The following EBF4 variants were observed in gnomAD, a reference collection of about 807,000 sequenced individuals.
The protein encoded by EBF4 is transcription factor COE4.
A neutral mutation model predicts 67.1 loss-of-function variants in EBF4; 34 were observed. The observed-to-expected ratio is 0.51, with a 90% CI of 0.39 to 0.67. The LOEUF is 0.67. Among genes scored for constraint, EBF4 ranks in the 30% least tolerant of loss-of-function variants. EBF4 has a pLI of 0.00. For synonymous variants in EBF4, 387 were observed against 377.7 expected (o/e 1.02, Z -0.29); for missense variants, 837 against 873.3 (o/e 0.96, Z 0.52).
intron 6 of EBF4, among the ~76,000 whole-genome samples, chr20:2,722,540 A>T (rs79070864): frequency 0.013 from 1,933 of 152,264 alleles, 52 homozygotes; most frequent in African/African-American, 0.043. Flanking sequence ...CTCTCCAAGA[A>T]ATCTAGCTAC....
intron 1 of EBF4, among the ~76,000 whole-genome samples, chr20:2,704,879 C>A (rs1027248321): frequency 3.3e-5 from 5 of 152,218 alleles, no homozygotes; most frequent in African/African-American, 1.2e-4. Flanking sequence ...CTCACTCTGG[C>A]CTTGCTTCTG....
At chr20:2,716,252 C>T (rs1012960655) in intron 6 of EBF4, among the ~76,000 whole-genome samples, 16 of 148,818 alleles carry the variant, frequency 1.1e-4, no homozygotes, top group Non-Finnish European at 2.4e-4. Context: ...CCTTGCCAGG[C>T]GCAGTGGCTC....
chr20:2,755,867 C>T lies in EBF4; in HGVS notation c.1738+43C>T. On this transcript the variant is annotated intron_variant, in intron 15 of 16. Coordinates refer to ENST00000609451, the Ensembl canonical transcript of EBF4. This position sits in a 1 kb window ranked among gnomAD's most constrained non-coding sequence, Gnocchi z 4.7. Reference sequence around the variant, plus strand: ...CCTCACTGTGGCAGGAAGGAAGGGCCCTTGTGGAGCAGCTGGGCTACAGGG... The same window carrying T: ...CCTCACTGTGGCAGGAAGGAAGGGCTCTTGTGGAGCAGCTGGGCTACAGGG... 20 of 1,517,882 alleles carry T rather than the reference C, an allele frequency of 1.3e-5. No individual in the cohort carries two copies. Among genetic ancestry groups the T allele is most frequent in the Non-Finnish European group, 1.8e-5 (20 of 1,130,430 alleles). 94.0% of individuals were successfully genotyped at this position (1,517,882 alleles called of 1,614,324 possible). A position where few individuals can be genotyped will look rare whatever the true frequency, so the allele number is the denominator to read the frequency against.
At chr20:2,740,825 T>C (rs1040804282) in intron 6 of EBF4, among the ~76,000 whole-genome samples, 13 of 151,888 alleles carry the variant, frequency 8.6e-5, no homozygotes, top group African/African-American at 2.9e-4. Context: ...GGCCAGAGAG[T>C]TGGTCCTCCT....
At chr20:2,695,003 T>G (rs2087267525) in intron 1 of EBF4, among the ~76,000 whole-genome samples, 1 of 152,226 alleles carries the variant, frequency 6.6e-6, no homozygotes, top group Non-Finnish European at 1.5e-5. Context: ...CCCTCCTCTG[T>G]AATACAACTA....
chr20:2,736,977 C>T lies in EBF4; in HGVS notation c.558-11572C>T, dbSNP rs182047984. ...AAAATTGGGGGAAGAGGACCGGGCG[C>T]GGTGGCTCACGCTTGTAATCCCAGC... On this transcript the variant is annotated intron_variant, in intron 6 of 16. Coordinates refer to ENST00000609451, the Ensembl canonical transcript of EBF4. Among the ~76,000 whole-genome samples the T allele has an allele frequency of 4.4e-3, 672 of 152,008 alleles. 9 individuals carry two copies. Among genetic ancestry groups the T allele is most frequent in the Middle Eastern group, 0.02 (6 of 294 alleles).
At chr20:2,734,405 T>C (rs2087852245) in intron 6 of EBF4, among the ~76,000 whole-genome samples, 1 of 152,134 alleles carries the variant, frequency 6.6e-6, no homozygotes, top group African/African-American at 2.4e-5. Context: ...AAGACCCTGT[T>C]CCAAAAATAA....
rs146667678 is a variant in EBF4, at chr20:2,694,921, T to C, written c.137+1139T>C. On this transcript the variant is annotated intron_variant, in intron 1 of 16. Transcript: ENST00000609451. Reference sequence around the variant, plus strand: ...TACGGAAGAGAAAGGGTCTTGTGGATGAATTAATTTCCAAAACTTTTACAA... The same window carrying C: ...TACGGAAGAGAAAGGGTCTTGTGGACGAATTAATTTCCAAAACTTTTACAA... Among the ~76,000 whole-genome samples the C allele has an allele frequency of 2.2e-4, 33 of 152,242 alleles. No homozygotes were observed. The East Asian group carries it at 6.2e-3, about 28-fold the overall frequency.
intron 1 of EBF4, among the ~76,000 whole-genome samples, chr20:2,695,516 G>A (rs2087276201): frequency 6.6e-6 from 1 of 152,180 alleles, no homozygotes; most frequent in Non-Finnish European, 1.5e-5. Context: ...GTGAACAGGG[G>A]CTTTCTTCAG....
At chr20:2,754,111 C>T (rs1372327214) in intron 14 of EBF4, among the ~76,000 whole-genome samples, 1 of 152,194 alleles carries the variant, frequency 6.6e-6, no homozygotes, top group Non-Finnish European at 1.5e-5. Flanking sequence ...TGCTTAAACC[C>T]AGCATCAGCT....
At chr20:2,742,482 G>A (rs981832225) in intron 6 of EBF4, among the ~76,000 whole-genome samples, 9 of 152,176 alleles carry the variant, frequency 5.9e-5, no homozygotes, top group Middle Eastern at 3.2e-3. Flanking sequence ...TATTTATGGT[G>A]TTTTCTTCCA....
intron 1 of EBF4, among the ~76,000 whole-genome samples, chr20:2,698,645 T>C (rs575300756): frequency 4.9e-4 from 74 of 151,970 alleles, no homozygotes; most frequent in African/African-American, 1.7e-3. Context: ...GAGAGAGACT[T>C]TGGGGAAATC....
chr20:2,753,020 C>G (rs1415033343), intron 14 of EBF4, among the ~76,000 whole-genome samples: 1 of 152,208 alleles, frequency 6.6e-6, no homozygotes, highest in Non-Finnish European at 1.5e-5. Flanking sequence ...GCCAGGTGGG[C>G]GTGGGGAGGA....
At chr20:2,714,431 C>T (rs1423522275) in intron 6 of EBF4, among the ~76,000 whole-genome samples, 2 of 152,014 alleles carry the variant, frequency 1.3e-5, no homozygotes, top group Non-Finnish European at 2.9e-5. Context: ...TAGCTCACTG[C>T]ACCTCGACCT....
chr20:2,757,806 G>T (rs1336881954), intron 15 of EBF4, among the ~76,000 whole-genome samples: 1 of 152,166 alleles, frequency 6.6e-6, no homozygotes, highest in African/African-American at 2.4e-5. Context: ...AATGAGCTGG[G>T]TGTGGTGGCG....
At chr20:2,743,076 C>T (rs751085251) in intron 6 of EBF4, among the ~76,000 whole-genome samples, 2 of 152,216 alleles carry the variant, frequency 1.3e-5, no homozygotes, top group South Asian at 4.1e-4. Flanking sequence ...CCAGCCCCCA[C>T]ATCTGGCCTC....
chr20:2,714,085 G>A (rs766149136), intron 6 of EBF4, among the ~76,000 whole-genome samples: 18 of 152,178 alleles, frequency 1.2e-4, no homozygotes, highest in Non-Finnish European at 2.2e-4. Flanking sequence ...AAGATAAATG[G>A]CAGCAACAAG....
At chr20:2,709,496 C>T (rs975808322) in intron 5 of EBF4, 78 bp from the exon 6 acceptor site, 136 of 1,373,130 alleles carry the variant, frequency 9.9e-5, no homozygotes, top group Non-Finnish European at 1.3e-4. Flanking sequence ...GCTCAGGGCG[C>T]CCCCCACAAC....
At chr20:2,702,471 A>G (rs902050586) in intron 1 of EBF4, among the ~76,000 whole-genome samples, 1 of 151,590 alleles carries the variant, frequency 6.6e-6, no homozygotes, top group Non-Finnish European at 1.5e-5. Flanking sequence ...CCTCATCTTG[A>G]TCAGGGACAA....
Sources: gnomAD v4.1 joint callset for allele counts (sites outside exome capture counted in the v4.1 genomes callset) on GRCh38, gnomAD v4.1.1 for gene constraint, Gnocchi (gnomAD v3.1) non-coding constraint, MANE v1.5 for transcripts, NCBI Gene and HGNC (gene_info 2026-07-23, HGNC 2026-07-21) for gene names.